Variants in MYOCOS observed in about 807,000 individuals in gnomAD.
MYOCOS encodes myocilin opposite strand, also known as myocilin opposite strand protein.
chr1:171,624,901 C>T (rs1036840557), intron 2 of MYOCOS, among the ~76,000 whole-genome samples: 12 of 152,030 alleles, frequency 7.9e-5, no homozygotes, highest in African/African-American at 2.9e-4. Flanking sequence ...ACACCTCTAG[C>T]TTGAGCTCTT....
At chr1:171,608,324 A>G (rs1282256656) in intron 1 of MYOCOS, among the ~76,000 whole-genome samples, 1 of 152,112 alleles carries the variant, frequency 6.6e-6, no homozygotes, top group Non-Finnish European at 1.5e-5. Context: ...CTAATGCAAA[A>G]AAATGCCTTA....
At chr1:171,620,894 C>G (rs569329096), upstream of MYOCOS, among the ~76,000 whole-genome samples, 5 of 151,204 alleles carry the variant, frequency 3.3e-5, no homozygotes, top group Admixed American at 2.6e-4. Flanking sequence ...CTCAGCCTCC[C>G]GAGTAGCTGG....
intron 2 of MYOCOS, among the ~76,000 whole-genome samples, chr1:171,615,181 C>T (rs192459766): frequency 6.6e-6 from 1 of 152,216 alleles, no homozygotes; most frequent in African/African-American, 2.4e-5. Flanking sequence ...GCTCTGGCTG[C>T]GTGTTGCAGA....
intron 2 of MYOCOS, among the ~76,000 whole-genome samples, chr1:171,615,251 A>C (rs1652425170): frequency 6.6e-6 from 1 of 152,260 alleles, no homozygotes; most frequent in African/African-American, 2.4e-5. Context: ...TCTATGCCAA[A>C]GATAACGGTG....
chr1:171,613,922 T>TC (rs1389350649), intron 1 of MYOCOS, among the ~76,000 whole-genome samples: 1 of 152,198 alleles, frequency 6.6e-6, no homozygotes, highest in Non-Finnish European at 1.5e-5. Context: ...TCTGACTTTA[T>TC]CACTTCACCT....
upstream of MYOCOS, among the ~76,000 whole-genome samples, chr1:171,618,791 G>T (rs984773125): frequency 2.6e-5 from 4 of 152,132 alleles, no homozygotes; most frequent in African/African-American, 9.7e-5. Context: ...GGCCAGGCTG[G>T]TCTCAAACTC....
chr1:171,609,816 T>A (rs1385191188), intron 1 of MYOCOS, among the ~76,000 whole-genome samples: 3 of 152,240 alleles, frequency 2.0e-5, no homozygotes, highest in Non-Finnish European at 4.4e-5. Context: ...GTATTTGTTA[T>A]TGCACAGTTC....
upstream of MYOCOS, among the ~76,000 whole-genome samples, chr1:171,617,470 C>T (rs1249283166): frequency 1.6e-4 from 25 of 152,078 alleles, no homozygotes; most frequent in Admixed American, 1.6e-3. Flanking sequence ...TTGCCAGTGA[C>T]TTTGGACCAA....
rs1016292096 is a variant in MYOCOS, at chr1:171,624,591, G to A, written c.95+613G>A. On this transcript the variant is annotated intron_variant, in intron 2 of 2. Transcript: ENST00000637642. Reference sequence around the variant, plus strand: ...AGCTGGGACCACAGGCGCCCGCCACGACGCCCGGCTAATATTTTGTGTGTG... The same window carrying A: ...AGCTGGGACCACAGGCGCCCGCCACAACGCCCGGCTAATATTTTGTGTGTG... Among the ~76,000 whole-genome samples, 6 of 152,014 alleles carry A rather than the reference G, an allele frequency of 3.9e-5. No individual in the cohort carries two copies. In the East Asian group the frequency reaches 7.7e-4, roughly 20 times the overall value.
chr1:171,609,581 A>G (rs556100325), intron 1 of MYOCOS, among the ~76,000 whole-genome samples: 116 of 152,338 alleles, frequency 7.6e-4, no homozygotes, highest in Non-Finnish European at 1.4e-3. Flanking sequence ...AGTTCCATGA[A>G]GGGCAACCTA....
At chr1:171,613,741 T>C (rs1056553169) in intron 1 of MYOCOS, among the ~76,000 whole-genome samples, 1 of 152,102 alleles carries the variant, frequency 6.6e-6, no homozygotes, top group African/African-American at 2.4e-5. Flanking sequence ...AGCTATAGGG[T>C]CTCACTATGT....
At chr1:171,616,848 A>T (rs896861447) in intron 2 of MYOCOS, among the ~76,000 whole-genome samples, 6 of 152,226 alleles carry the variant, frequency 3.9e-5, no homozygotes, top group Non-Finnish European at 5.9e-5. Context: ...GCACAGGCAT[A>T]TAACTCCACT....
chr1:171,617,085 G>T (rs902016581), intron 2 of MYOCOS, among the ~76,000 whole-genome samples: 1 of 152,154 alleles, frequency 6.6e-6, no homozygotes, highest in Non-Finnish European at 1.5e-5. Context: ...TGACCCTGAG[G>T]CAGGGGAGAG....
At chr1:171,616,324 G>A (rs1652449499) in intron 2 of MYOCOS, among the ~76,000 whole-genome samples, 1 of 152,170 alleles carries the variant, frequency 6.6e-6, no homozygotes, top group Non-Finnish European at 1.5e-5. Context: ...TGGATCACAT[G>A]AGGTCAGGAG....
Position 171,626,798 on chromosome 1 carries a change from G to A in MYOCOS, c.*197G>A, listed in dbSNP as rs1230694634. The A allele has an allele frequency of 5.2e-6, 2 of 386,750 alleles. No homozygotes were observed. Among genetic ancestry groups the A allele is most frequent in the Non-Finnish European group, 9.1e-6 (2 of 219,454 alleles). 24.0% of individuals were successfully genotyped at this position (386,750 alleles called of 1,614,324 possible). A position where few individuals can be genotyped will look rare whatever the true frequency, so the allele number is the denominator to read the frequency against. On this transcript the variant is annotated 3_prime_UTR_variant, in exon 3 of 3. Coordinates refer to ENST00000637642, the MANE Select transcript of MYOCOS (RefSeq NM_001391940.1). ...TTTTGGTTTTTTAATCCAAGTCTCTGATATGATATGCATATATTTTGATCT... is the reference window on the plus strand; with the variant it reads ...TTTTGGTTTTTTAATCCAAGTCTCTAATATGATATGCATATATTTTGATCT...
intron 1 of MYOCOS, among the ~76,000 whole-genome samples, chr1:171,610,377 A>G (rs905986327): frequency 6.6e-6 from 1 of 152,242 alleles, no homozygotes; most frequent in Non-Finnish European, 1.5e-5. Context: ...TAATACCACT[A>G]GATACCCATG....
intron 1 of MYOCOS, among the ~76,000 whole-genome samples, chr1:171,611,807 G>A (rs1652355467): frequency 6.6e-6 from 1 of 152,104 alleles, no homozygotes; most frequent in Non-Finnish European, 1.5e-5. Flanking sequence ...GAGGTACAAG[G>A]TGCAATATTT....
intron 1 of MYOCOS, among the ~76,000 whole-genome samples, chr1:171,613,629 C>A (rs532873666): frequency 6.6e-6 from 1 of 152,114 alleles, no homozygotes; most frequent in South Asian, 2.1e-4. Flanking sequence ...CTTGCTGCAA[C>A]CTTGAACTCC....
At chr1:171,621,575 C>T (rs2102939105), upstream of MYOCOS, among the ~76,000 whole-genome samples, 1 of 152,108 alleles carries the variant, frequency 6.6e-6, no homozygotes, top group Admixed American at 6.5e-5. Context: ...CGGGGTTTCG[C>T]CGTGTTAGCC....
Sources: gnomAD v4.1 joint callset for allele counts (sites outside exome capture counted in the v4.1 genomes callset) on GRCh38, gnomAD v4.1.1 for gene constraint, MANE v1.5 for transcripts, NCBI Gene and HGNC (gene_info 2026-07-23, HGNC 2026-07-21) for gene names.